Variants in SRGAP2C observed in about 807,000 individuals in gnomAD.
SRGAP2C encodes SLIT-ROBO Rho GTPase-activating protein 2C.
In SRGAP2C, 15 loss-of-function variants were observed where a neutral mutation model predicts 25.1. That is an observed-to-expected ratio of 0.60 (90% confidence interval 0.40 to 0.92). The LOEUF is 0.92. Ranked by LOEUF, SRGAP2C falls within the 40% of genes least tolerant of loss-of-function variation. The pLI, the probability that SRGAP2C is intolerant of heterozygous loss-of-function variation, is 0.00. For missense variants in SRGAP2C, 144 were observed against 264.4 expected, an observed-to-expected ratio of 0.54 and a Z score of 3.16; for synonymous variants, 44 against 96.6, an observed-to-expected ratio of 0.46 and a Z score of 3.19.
At chr1:121,315,922 C>A (rs1358361240) in intron 3 of SRGAP2C, among the ~76,000 whole-genome samples, 1 of 76,594 alleles carries the variant, frequency 1.3e-5, no homozygotes, top group Non-Finnish European at 2.5e-5. Flanking sequence ...CTCCTGCACC[C>A]CCACACAAAA....
At chr1:121,347,837 T>C (rs1658787727) in intron 4 of SRGAP2C, among the ~76,000 whole-genome samples, 1 of 149,898 alleles carries the variant, frequency 6.7e-6, no homozygotes, top group Non-Finnish European at 1.5e-5. Flanking sequence ...CACAGCTCAA[T>C]TGTCCCCAGG....
intron 5 of SRGAP2C, among the ~76,000 whole-genome samples, chr1:121,368,533 T>A (rs1179868038): frequency 6.6e-6 from 1 of 151,624 alleles, no homozygotes; most frequent in Non-Finnish European, 1.5e-5. Flanking sequence ...TGCCTAGTAC[T>A]GAAGAGTTTC....
At chr1:121,335,343 AAAATAAATAAATAAATAAAT>A (rs1243682707) in intron 4 of SRGAP2C, among the ~76,000 whole-genome samples, 1 of 109,740 alleles carries the variant, frequency 9.1e-6, no homozygotes, top group African/African-American at 4.1e-5. Context: ...TCCATCTCAA[AAAATAAATAAATAAATAAAT>A]AAATAAATAA....
Position 121,268,471 on chromosome 1 carries a change from T to G in SRGAP2C, c.68-16332T>G, listed in dbSNP as rs1441545504. 2.0e-5 allele frequency among the ~76,000 whole-genome samples: 3 copies of G among 150,990 alleles called. No homozygotes were observed. In the South Asian group the frequency reaches 6.3e-4, roughly 32 times the overall value. On this transcript the variant is annotated intron_variant, in intron 2 of 9. Transcript: ENST00000367123. ...TGAAAGATGATGAGCAGGGCTGCAG[T>G]GTGGAGAGTAGACTGCAGGGAAGCA...
intron 3 of SRGAP2C, among the ~76,000 whole-genome samples, chr1:121,285,400 T>TCACACACACACA (rs1206046698): frequency 9.3e-5 from 6 of 64,522 alleles, no homozygotes; most frequent in Non-Finnish European, 2.1e-4. Context: ...TGTCTCTCTC[T>TCACACACACACA]CTCTCACACA....
intron 4 of SRGAP2C, among the ~76,000 whole-genome samples, chr1:121,335,401 C>A (rs1355859587): frequency 7.1e-6 from 1 of 141,558 alleles, no homozygotes; most frequent in Non-Finnish European, 1.5e-5. Context: ...ACAACCAATT[C>A]TTTCTTTTGT....
chr1:121,350,702 A>G (rs2101633262), intron 4 of SRGAP2C, among the ~76,000 whole-genome samples: 1 of 152,330 alleles, frequency 6.6e-6, no homozygotes, highest in East Asian at 1.9e-4. Flanking sequence ...GATTTCTTAC[A>G]TATGACACCA....
intron 2 of SRGAP2C, among the ~76,000 whole-genome samples, chr1:121,273,245 G>T (rs1467463252): frequency 2.0e-5 from 2 of 100,768 alleles, no homozygotes; most frequent in African/African-American, 5.9e-5. Context: ...AGATGTGTCT[G>T]CCTATAACTT....
rs1376836159 is a variant in SRGAP2C, at chr1:121,391,831, C to T, written c.*3976C>T. The T allele has an allele frequency of 6.6e-6, 1 of 152,406 alleles. No individual in the cohort carries two copies. The highest frequency in any genetic ancestry group is 6.5e-5 in the Admixed American group (1 of 15,296). 9.4% of individuals were successfully genotyped at this position (152,406 alleles called of 1,614,324 possible). ...ATACAAAGAATGGGAAAGTGTGGCT[C>T]ATTCAAAGGAACAAAATAAAGTGAC... On this transcript the variant is annotated 3_prime_UTR_variant, in exon 10 of 10. Coordinates refer to ENST00000367123, the MANE Select transcript of SRGAP2C (RefSeq NM_001329984.2).
chr1:121,212,592 C>A (rs1553324024), intron 2 of SRGAP2C, among the ~76,000 whole-genome samples: 1 of 151,618 alleles, frequency 6.6e-6, no homozygotes. Flanking sequence ...AGATAAGACC[C>A]ACTACTCTGC....
At chr1:121,217,678 C>T (rs1655425341) in intron 2 of SRGAP2C, among the ~76,000 whole-genome samples, 1 of 152,144 alleles carries the variant, frequency 6.6e-6, no homozygotes, top group African/African-American at 2.4e-5. Context: ...AGACTCTGTG[C>T]TGCTTCTCTT....
chr1:121,194,524 A>G (rs1454852575), intron 2 of SRGAP2C, among the ~76,000 whole-genome samples: 1 of 146,472 alleles, frequency 6.8e-6, no homozygotes, highest in Non-Finnish European at 1.5e-5. Flanking sequence ...TCTACTAAAA[A>G]TAAAAAAATT....
intron 3 of SRGAP2C, among the ~76,000 whole-genome samples, chr1:121,322,791 T>C (rs1187619999): frequency 1.3e-5 from 2 of 151,596 alleles, no homozygotes; most frequent in Admixed American, 1.3e-4. Flanking sequence ...GGAAAAGCCT[T>C]CTAAGTTGAA....
rs1287219206 is a variant in SRGAP2C, at chr1:121,392,230, G to A, written c.*4375G>A. On this transcript the variant is annotated 3_prime_UTR_variant, in exon 10 of 10. Transcript: ENST00000367123. ...ATAGACCAACATTCATATTCTAGAA[G>A]GATAAATTATGTTGTTAAAAAGTTT... The A allele has an allele frequency of 6.9e-6, 1 of 144,642 alleles. No homozygotes were observed. The highest frequency in any genetic ancestry group is 2.1e-4 in the East Asian group (1 of 4,704). 9.0% of individuals were successfully genotyped at this position (144,642 alleles called of 1,614,324 possible). A position where few individuals can be genotyped will look rare whatever the true frequency, so the allele number is the denominator to read the frequency against.
chr1:121,302,383 A>ACTAC (rs1350848107), intron 3 of SRGAP2C, among the ~76,000 whole-genome samples: 1 of 151,986 alleles, frequency 6.6e-6, no homozygotes, highest in Non-Finnish European at 1.5e-5. Flanking sequence ...ATTTTTGTAT[A>ACTAC]CTACCATTTT....
At chr1:121,356,727 GC>G (rs1487687075) in intron 4 of SRGAP2C, among the ~76,000 whole-genome samples, 1 of 151,908 alleles carries the variant, frequency 6.6e-6, no homozygotes, top group Non-Finnish European at 1.5e-5. Context: ...AAGACATTAC[GC>G]CCCCACCCAA....
intron 7 of SRGAP2C, among the ~76,000 whole-genome samples, 183 bp downstream of exon 7, chr1:121,375,137 C>T (rs1299103432): frequency 6.6e-6 from 1 of 150,860 alleles, no homozygotes; most frequent in Non-Finnish European, 1.5e-5. Flanking sequence ...TTATTCAATC[C>T]TAACTGGAAT....
chr1:121,314,733 T>C (rs1475596792), intron 3 of SRGAP2C, among the ~76,000 whole-genome samples: 1 of 151,568 alleles, frequency 6.6e-6, no homozygotes, highest in Non-Finnish European at 1.5e-5. Context: ...CCAGTTAGGC[T>C]GCTCGGGGGT....
Position 121,315,083 on chromosome 1 carries a change from G to A in SRGAP2C, c.261-9395G>A, listed in dbSNP as rs1553340455. The A allele has an allele frequency of 1.4e-4, 111 of 771,718 alleles. 7 individuals carry two copies. The highest frequency in any genetic ancestry group is 1.4e-3 in the South Asian group (94 of 67,930). The allele number at this position is 771,718 out of a possible 1,614,324, so 47.8% of individuals were successfully genotyped here. On this transcript the variant is annotated intron_variant, in intron 3 of 9. Coordinates refer to ENST00000367123, the MANE Select transcript of SRGAP2C (RefSeq NM_001329984.2). ...TGCTCCCCGAGGGTGAGGAACTGGC[G>A]GGGTGAGGCGAAGGTCTCTGGTGCA...
Sources: allele counts gnomAD v4.1 joint callset (sites outside exome capture counted in the v4.1 genomes callset), GRCh38; gene constraint gnomAD v4.1.1; transcripts MANE v1.5; gene names NCBI Gene and HGNC (gene_info 2026-07-23, HGNC 2026-07-21).